LPA: variants seen among roughly 807,000 people sequenced by gnomAD.
LPA encodes the protein apolipoprotein(a).
LPA carries 199 observed loss-of-function variants against 197.9 expected under a neutral mutation model. The ratio of observed to expected loss-of-function variants is 1.01; its 90% CI spans 0.90 to 1.13. The LOEUF (loss-of-function observed/expected upper bound fraction) is 1.13, where lower values mean the gene tolerates loss of function less well. LPA is among the 50% of genes most tolerant of loss of function. The probability of loss-of-function intolerance (pLI) is 0.00; values close to 1 mark genes in which losing one functional copy is unlikely to be tolerated. For synonymous variants in LPA, 715 were observed against 639.5 expected, an observed-to-expected ratio of 1.12 and a Z score of -1.78; for missense variants, 1,853 against 1,785.8, an observed-to-expected ratio of 1.04 and a Z score of -0.68.
chr6:160,557,137 C>T (rs902551153), intron 29 of LPA, among the ~76,000 whole-genome samples: 2 of 152,276 alleles, frequency 1.3e-5, no homozygotes, highest in Admixed American at 6.5e-5. Context: ...TTGTCTGGAA[C>T]ACCGAGATAA....
chr6:160,648,030 GTTTC>G (rs1779933464), intron 2 of LPA, among the ~76,000 whole-genome samples: 1 of 152,060 alleles, frequency 6.6e-6, no homozygotes, highest in Admixed American at 6.6e-5. Context: ...ACAGTTTCCG[GTTTC>G]TTTGTTTAGG....
intron 20 of LPA, among the ~76,000 whole-genome samples, chr6:160,598,878 G>A (rs1025380160): frequency 6.6e-6 from 1 of 152,182 alleles, no homozygotes; most frequent in African/African-American, 2.4e-5. Context: ...CTAGAGCTTA[G>A]AATGATAGAA....
At chr6:160,542,637 G>T (rs1363187308) in intron 34 of LPA, 51 bp downstream of exon 34, 1 of 1,610,676 alleles carries the variant, frequency 6.2e-7, no homozygotes. Flanking sequence ...GAAGGGTTTT[G>T]TGGGGCTTAC....
chr6:160,546,246 A>G (rs752522271), intron 32 of LPA, among the ~76,000 whole-genome samples: 4 of 152,126 alleles, frequency 2.6e-5, no homozygotes, highest in African/African-American at 4.8e-5. Flanking sequence ...CCGATCACCG[A>G]TGGCCAATGA....
intron 16 of LPA, among the ~76,000 whole-genome samples, chr6:160,607,193 C>T (rs367871487): frequency 3.9e-5 from 6 of 152,032 alleles, no homozygotes; most frequent in Non-Finnish European, 7.4e-5. Context: ...CAAAACCTCG[C>T]GAAAAGGCTC....
intron 26 of LPA, 143 bp from the exon 27 acceptor site, chr6:160,578,847 A>G: frequency 1.6e-6 from 2 of 1,247,956 alleles, no homozygotes; most frequent in Non-Finnish European, 2.3e-6. Context: ...TGCCACAAGC[A>G]CAAATGGTCT....
At chr6:160,600,559 T>C (rs546556000) in intron 19 of LPA, among the ~76,000 whole-genome samples, 3 of 152,294 alleles carry the variant, frequency 2.0e-5, no homozygotes, top group East Asian at 3.9e-4. Context: ...GAATGCTGTC[T>C]ACTTGAAGAA....
At chr6:160,584,241 TCCTCC>T (rs1778859854) in intron 26 of LPA, among the ~76,000 whole-genome samples, 5 of 80,516 alleles carry the variant, frequency 6.2e-5, no homozygotes, top group African/African-American at 2.1e-4. Flanking sequence ...TTCTTCTTCC[TCCTCC>T]TCCTCCTCCT....
In LPA at chr6:160,611,602, G is replaced by A. The variant is rs763313272; in HGVS notation, c.2563C>T (p.Pro855Ser). The A allele has an allele frequency of 3.1e-6, 5 of 1,601,704 alleles. No homozygotes were observed. The highest frequency in any genetic ancestry group is 2.0e-4 in the Middle Eastern group (1 of 4,914). ...TCTGGGGTCCGACTATGCGAGTGTG[G>A]TGTCATAGATGACCAAGCTTGGCAG... ...RTCQAWSSMTPHSHSRTPEYY... is the reference protein window; with the variant it reads ...RTCQAWSSMTSHSHSRTPEYY... The change falls in exon 16 of 39, where the codon CCA (proline) becomes TCA (serine). Residue 855 changes from proline (P) to serine (S), a missense_variant. Transcript: ENST00000316300.
intron 28 of LPA, among the ~76,000 whole-genome samples, chr6:160,572,959 T>G (rs1778589498): frequency 6.6e-6 from 1 of 152,212 alleles, no homozygotes; most frequent in South Asian, 2.1e-4. Context: ...TTGTGTTTCT[T>G]GTATTTGCAT....
rs148718846 is a variant in LPA, at chr6:160,600,908, A to G, written c.3127+9T>C. ...TCCAAGCAGGTAAATGTCTGGCACA[A>G]CTTCTTACCTTGTTCAAAAAAAGCC... On this transcript the variant is annotated intron_variant, in intron 19 of 38. Transcript: ENST00000316300. The G allele has an allele frequency of 1.2e-6, 2 of 1,612,046 alleles. No individual in the cohort carries two copies. Among genetic ancestry groups the G allele is most frequent in the Non-Finnish European group, 1.7e-6 (2 of 1,179,906 alleles).
At chr6:160,647,173 G>T (rs1172624205) in intron 2 of LPA, among the ~76,000 whole-genome samples, 6 of 152,306 alleles carry the variant, frequency 3.9e-5, no homozygotes, top group East Asian at 1.9e-4. Flanking sequence ...TGGGGGATGA[G>T]TTGAAAGAAC....
chr6:160,586,421 T>G, intron 25 of LPA, 28 bp downstream of exon 25: 3 of 1,611,510 alleles, frequency 1.9e-6, no homozygotes, highest in South Asian at 2.2e-5. Flanking sequence ...TGTCCGAGGG[T>G]ATGGTTGTCT....
At chr6:160,549,319 A>G (rs1778130836) in intron 30 of LPA, among the ~76,000 whole-genome samples, 1 of 152,232 alleles carries the variant, frequency 6.6e-6, no homozygotes, top group African/African-American at 2.4e-5. Flanking sequence ...AATGTGCAAA[A>G]GAAAGGAACC....
intron 18 of LPA, among the ~76,000 whole-genome samples, chr6:160,603,499 A>G (rs1482633941): frequency 2.0e-5 from 3 of 152,076 alleles, no homozygotes; most frequent in Non-Finnish European, 2.9e-5. Context: ...TTGATATGGT[A>G]TCTGCTTCAT....
At chr6:160,604,984 A>G in intron 18 of LPA, 62 bp downstream of exon 18, 1 of 1,605,906 alleles carries the variant, frequency 6.2e-7, no homozygotes, top group African/African-American at 1.3e-5. Flanking sequence ...TTGAAGCATG[A>G]CTCTACTAAC....
At position 160,533,262 on chromosome 6, in the gene LPA, CTA is replaced by C. The variant is rs373033936; in HGVS notation, c.5843-615_5843-614del. On this transcript the variant is annotated intron_variant, in intron 37 of 38. Coordinates refer to ENST00000316300, the MANE Select transcript of LPA (RefSeq NM_005577.4). ...TGCAAAAATGGTTAAAATAGTAACT[CTA>C]TGTTGTATAAATTTTATTGCAATAA... 3.0e-4 allele frequency among the ~76,000 whole-genome samples: 46 copies of C among 152,208 alleles called. 2 individuals carry two copies. The East Asian group carries it at 8.3e-3, about 27-fold the overall frequency.
rs1554240255 is a variant in LPA at position 160,615,380 on chromosome 6, G to GTC, written c.2261+1736_2261+1737insGA. On this transcript the variant is annotated intron_variant, in intron 14 of 38. Coordinates refer to ENST00000316300, the MANE Select transcript of LPA (RefSeq NM_005577.4). ...TGTGTGTGTGTGTGTGTGTGTGTGT[G>GTC]TGTGTAGCTCATTCTGTAGGTTCTC... Among the ~76,000 whole-genome samples the GTC allele has an allele frequency of 2.0e-4, 26 of 126,872 alleles. 1 individual carries two copies. The highest frequency in any genetic ancestry group is 8.2e-4 in the South Asian group (3 of 3,644). The allele number at this position is 126,872 out of a possible 152,430, so 83.2% of individuals were successfully genotyped here.
intron 29 of LPA, 104 bp from the exon 30 acceptor site, chr6:160,556,288 C>G (rs548983715): frequency 3.0e-6 from 3 of 1,007,442 alleles, no homozygotes; most frequent in Non-Finnish European, 4.7e-6. Flanking sequence ...TGACTGTTCT[C>G]TTTAGTATAC....
Sources: gnomAD v4.1 joint callset for allele counts (sites outside exome capture counted in the v4.1 genomes callset) on GRCh38, gnomAD v4.1.1 for gene constraint, MANE v1.5 for transcripts, NCBI Gene and HGNC (gene_info 2026-07-23, HGNC 2026-07-21) for gene names.